ME3: variants seen among roughly 807,000 people sequenced by gnomAD.
The protein encoded by ME3 is NADP-dependent malic enzyme, mitochondrial.
Under a neutral mutation model 68.9 loss-of-function variants are expected in ME3, and 48 were observed. The observed-to-expected ratio is 0.70, with a 90% CI of 0.55 to 0.89. The LOEUF (loss-of-function observed/expected upper bound fraction) is 0.89, where lower values mean the gene tolerates loss of function less well. ME3 is among the 40% of genes least tolerant of loss of function. The probability of loss-of-function intolerance (pLI) is 0.00; values close to 1 mark genes in which losing one functional copy is unlikely to be tolerated. For synonymous variants in ME3, 320 were observed against 318.8 expected (o/e 1.00, Z -0.04); for missense variants, 675 against 797.4 (o/e 0.85, Z 1.85).
At chr11:86,671,660 A>C (rs911640523) in intron 2 of ME3, 102 bp downstream of exon 2, 2 of 1,455,046 alleles carry the variant, frequency 1.4e-6, no homozygotes, top group African/African-American at 1.5e-5. Flanking sequence ...AAACCGCTGG[A>C]AGGGCGCCCG....
chr11:86,592,681 CCAG>C (rs1343223250), intron 2 of ME3, among the ~76,000 whole-genome samples: 3 of 152,162 alleles, frequency 2.0e-5, no homozygotes, highest in Non-Finnish European at 2.9e-5. Context: ...ACTACTTAAG[CCAG>C]CAACAAAGGA....
At chr11:86,532,001 A>AC (rs1955282463) in intron 4 of ME3, among the ~76,000 whole-genome samples, 2 of 151,448 alleles carry the variant, frequency 1.3e-5, no homozygotes, top group African/African-American at 2.4e-5. Flanking sequence ...CCAAAAAAAA[A>AC]CCAGAAACTG....
intron 8 of ME3, among the ~76,000 whole-genome samples, chr11:86,463,596 G>T (rs1386548503): frequency 2.0e-5 from 3 of 152,218 alleles, no homozygotes; most frequent in Non-Finnish European, 4.4e-5. Flanking sequence ...CCATGTCCCA[G>T]CTTTCTCTTT....
At chr11:86,653,530 A>T (rs1478680382) in intron 2 of ME3, among the ~76,000 whole-genome samples, 1 of 152,220 alleles carries the variant, frequency 6.6e-6, no homozygotes, top group Non-Finnish European at 1.5e-5. Context: ...AGAAATAAAG[A>T]TGTTCTTTGA....
At chr11:86,593,115 G>T (rs1201050726) in intron 2 of ME3, among the ~76,000 whole-genome samples, 5 of 152,150 alleles carry the variant, frequency 3.3e-5, no homozygotes, top group Non-Finnish European at 7.3e-5. Context: ...CCAGGAAAAT[G>T]ACTCATTTCT....
intron 6 of ME3, among the ~76,000 whole-genome samples, chr11:86,491,280 C>T (rs1006614232): frequency 6.6e-6 from 1 of 152,170 alleles, no homozygotes; most frequent in Non-Finnish European, 1.5e-5. Flanking sequence ...TGAGCTTTGA[C>T]TGGGTCTCAT....
intron 2 of ME3, among the ~76,000 whole-genome samples, chr11:86,641,225 A>G (rs1277329724): frequency 6.6e-6 from 1 of 152,210 alleles, no homozygotes; most frequent in Admixed American, 6.5e-5. Flanking sequence ...TGAAAAGAAA[A>G]AAACAGAAAA....
At chr11:86,663,652 C>T (rs1034510273) in intron 2 of ME3, among the ~76,000 whole-genome samples, 1 of 152,080 alleles carries the variant, frequency 6.6e-6, no homozygotes, top group Non-Finnish European at 1.5e-5. Flanking sequence ...ATCAAAAGGC[C>T]TTTTTTCCCC....
At chr11:86,459,825 G>A (rs537409875) in intron 8 of ME3, among the ~76,000 whole-genome samples, 1 of 152,348 alleles carries the variant, frequency 6.6e-6, no homozygotes, top group East Asian at 1.9e-4. Flanking sequence ...AGCCTTTATG[G>A]GCGTCTGGCC....
chr11:86,584,380 G>T (rs1958617113), intron 2 of ME3, among the ~76,000 whole-genome samples: 1 of 152,140 alleles, frequency 6.6e-6, no homozygotes, highest in Non-Finnish European at 1.5e-5. Flanking sequence ...GTGTAAAATG[G>T]TGTAACCACC....
chr11:86,637,305 T>C (rs1291033171), intron 2 of ME3, among the ~76,000 whole-genome samples: 2 of 137,720 alleles, frequency 1.5e-5, no homozygotes, highest in African/African-American at 5.5e-5. Flanking sequence ...GATCCTATTA[T>C]AGTACTGAAG....
chr11:86,599,235 C>G (rs370043056), intron 2 of ME3, among the ~76,000 whole-genome samples: 39 of 152,236 alleles, frequency 2.6e-4, no homozygotes, highest in African/African-American at 9.4e-4. Context: ...ACTAGAATAA[C>G]CGATACAGAG....
chr11:86,487,538 T>G (rs545081540), intron 6 of ME3, 98 bp from the exon 7 acceptor site: 5 of 957,894 alleles, frequency 5.2e-6, no homozygotes, highest in Admixed American at 2.1e-5. Context: ...AACCAGAAGG[T>G]GGGAGGAGAG....
chr11:86,547,905 A>G (rs1177083440), intron 4 of ME3, among the ~76,000 whole-genome samples: 1 of 152,258 alleles, frequency 6.6e-6, no homozygotes, highest in Non-Finnish European at 1.5e-5. Flanking sequence ...GATAAAAAAG[A>G]AACAAAAGTC....
At chr11:86,598,442 C>A (rs1418451812) in intron 2 of ME3, among the ~76,000 whole-genome samples, 1 of 152,336 alleles carries the variant, frequency 6.6e-6, no homozygotes, top group East Asian at 1.9e-4. Context: ...AACGAAGCAG[C>A]CAGGAAGCTC....
intron 4 of ME3, among the ~76,000 whole-genome samples, chr11:86,520,004 C>A (rs189921461): frequency 6.6e-6 from 1 of 152,348 alleles, no homozygotes; most frequent in Non-Finnish European, 1.5e-5. Context: ...GTGTTATTTT[C>A]TATCCTGAAG....
intron 4 of ME3, among the ~76,000 whole-genome samples, chr11:86,542,435 G>A (rs1956106886): frequency 6.6e-6 from 1 of 152,156 alleles, no homozygotes; most frequent in Admixed American, 6.5e-5. Flanking sequence ...TTGCTAACTA[G>A]AATAACCATT....
intron 7 of ME3, among the ~76,000 whole-genome samples, chr11:86,486,922 T>C (rs1483191555): frequency 6.6e-6 from 1 of 152,222 alleles, no homozygotes; most frequent in Non-Finnish European, 1.5e-5. Context: ...TGTTCTCACA[T>C]AGAGGTGGAA....
chr11:86,457,686 G>A lies in ME3; in HGVS notation c.920-7288C>T, dbSNP rs546555797. The A allele has an allele frequency of 5.7e-5, 73 of 1,287,386 alleles. 3 individuals are homozygous for A. The East Asian group carries it at 3.8e-3, about 67-fold the overall frequency. 79.7% of individuals were successfully genotyped at this position (1,287,386 alleles called of 1,614,324 possible). A position where few individuals can be genotyped will look rare whatever the true frequency, so the allele number is the denominator to read the frequency against. Reference sequence around the variant, plus strand: ...GAGGTAACCACTCTGAGAAGCCCATGGGTCCAGGGATGTGCTGGAACATGA... The same window carrying A: ...GAGGTAACCACTCTGAGAAGCCCATAGGTCCAGGGATGTGCTGGAACATGA... On this transcript the variant is annotated intron_variant, in intron 8 of 14. Transcript: ENST00000543262.
Sources: gnomAD v4.1 joint callset for allele counts (sites outside exome capture counted in the v4.1 genomes callset) on GRCh38, gnomAD v4.1.1 for gene constraint, MANE v1.5 for transcripts, NCBI Gene and HGNC (gene_info 2026-07-23, HGNC 2026-07-21) for gene names.